The following TGFBR3 variants were observed in gnomAD, a reference collection of about 807,000 sequenced individuals.
The protein encoded by TGFBR3 is transforming growth factor beta receptor type 3.
In TGFBR3, 46 loss-of-function variants were observed where a neutral mutation model predicts 87.9. That is an observed-to-expected ratio of 0.52 (90% confidence interval 0.41 to 0.67). TGFBR3 has a LOEUF of 0.67. Among genes scored for constraint, TGFBR3 ranks in the 30% least tolerant of loss-of-function variants. The pLI, the probability that TGFBR3 is intolerant of heterozygous loss-of-function variation, is 0.00. For missense variants in TGFBR3, 866 were observed against 1,041.9 expected, an observed-to-expected ratio of 0.83 and a Z score of 2.32; for synonymous variants, 381 against 391.6, an observed-to-expected ratio of 0.97 and a Z score of 0.32.
In TGFBR3 at chr1:91,682,404, CTTTTT is replaced by C. The variant is rs59188054; in HGVS notation, c.*1330_*1334del. ...AGCATGATAATTCCCCCCTGGCATT[CTTTTT>C]TTTTTTTTTTTTTTTTAACAAGGAG... is the stretch of plus-strand genomic sequence containing the variant. On this transcript the variant is annotated 3_prime_UTR_variant, in exon 17 of 17. Transcript: ENST00000212355. 1.2e-4 allele frequency: 42 copies of C among 347,284 alleles called. No individual in the cohort carries two copies. Among genetic ancestry groups the C allele is most frequent in the East Asian group, 6.4e-4 (8 of 12,518 alleles). The allele number at this position is 347,284 out of a possible 1,614,324, so 21.5% of individuals were successfully genotyped here.
intron 1 of TGFBR3, among the ~76,000 whole-genome samples, chr1:91,873,281 T>TC (rs1491241379): frequency 8.7e-6 from 1 of 115,030 alleles, no homozygotes; most frequent in Non-Finnish European, 1.8e-5. Flanking sequence ...AATTTTCCCT[T>TC]CTTTTTTTTT....
upstream of TGFBR3, among the ~76,000 whole-genome samples, chr1:91,888,602 T>C (rs1679383308): frequency 6.6e-6 from 1 of 152,122 alleles, no homozygotes; most frequent in African/African-American, 2.4e-5. Flanking sequence ...CTTGGGAGGC[T>C]GAGGCAAGAG....
At chr1:91,871,209 T>C (rs1194849028) in intron 1 of TGFBR3, among the ~76,000 whole-genome samples, 4 of 152,202 alleles carry the variant, frequency 2.6e-5, no homozygotes, top group Non-Finnish European at 5.9e-5. Context: ...GGACTGTGCC[T>C]ATTACTAAGC....
In TGFBR3 at chr1:91,733,470, G is replaced by A. The variant is rs994785436; in HGVS notation, c.568+1306C>T. Among the ~76,000 whole-genome samples the A allele has an allele frequency of 6.6e-5, 10 of 152,302 alleles. No homozygotes were observed. In the South Asian group the frequency reaches 1.7e-3, roughly 25 times the overall value. On this transcript the variant is annotated intron_variant, in intron 5 of 16. Coordinates refer to ENST00000212355, the MANE Select transcript of TGFBR3 (RefSeq NM_003243.5). ...ACGTAGCATCCTCTCCGACGTCCAC[G>A]TCCACCTTTCCTGCCTCTGTCTCTC...
intron 2 of TGFBR3, among the ~76,000 whole-genome samples, chr1:91,815,355 T>G (rs1477591223): frequency 5.9e-5 from 8 of 136,014 alleles, no homozygotes; most frequent in African/African-American, 2.2e-4. Context: ...GATAGTCCTG[T>G]CCTAGCTAAT....
At chr1:91,874,077 C>G (rs1319280864) in intron 1 of TGFBR3, among the ~76,000 whole-genome samples, 1 of 152,120 alleles carries the variant, frequency 6.6e-6, no homozygotes, top group Non-Finnish European at 1.5e-5. Context: ...AAAATCCCTG[C>G]CCTGATGGAG....
chr1:91,852,504 G>C (rs1677776842), intron 2 of TGFBR3, among the ~76,000 whole-genome samples: 1 of 152,214 alleles, frequency 6.6e-6, no homozygotes, highest in Non-Finnish European at 1.5e-5. Context: ...CATCACACTT[G>C]GCTGTGCACA....
chr1:91,728,313 C>T (rs1372330080), intron 6 of TGFBR3, among the ~76,000 whole-genome samples: 1 of 151,994 alleles, frequency 6.6e-6, no homozygotes, highest in East Asian at 1.9e-4. Context: ...AGACAAAAGG[C>T]TAAAGAATTT....
intron 14 of TGFBR3, among the ~76,000 whole-genome samples, chr1:91,705,539 T>A (rs1280592306): frequency 6.8e-6 from 1 of 146,056 alleles, no homozygotes; most frequent in East Asian, 1.9e-4. Flanking sequence ...CACAGTCTCT[T>A]TTCAAATGAC....
At chr1:91,768,457 G>GT (rs1674259915) in intron 3 of TGFBR3, among the ~76,000 whole-genome samples, 1 of 152,168 alleles carries the variant, frequency 6.6e-6, no homozygotes, top group Admixed American at 6.5e-5. Context: ...AAATTGATAG[G>GT]TTTTGGATCT....
chr1:91,719,729 G>A (rs1672294602), intron 9 of TGFBR3, among the ~76,000 whole-genome samples, 164 bp downstream of exon 9: 1 of 152,116 alleles, frequency 6.6e-6, no homozygotes, highest in African/African-American at 2.4e-5. Context: ...CAGGAACCAG[G>A]TGAGAATCAC....
At chr1:91,729,030 G>GCA (rs1672650483) in intron 6 of TGFBR3, among the ~76,000 whole-genome samples, 1 of 102,572 alleles carries the variant, frequency 9.7e-6, no homozygotes. Flanking sequence ...GGCCACTCCA[G>GCA]CATACACACA....
In TGFBR3 at chr1:91,838,557, C is replaced by A. The variant is rs1677147505; in HGVS notation, c.61+22914G>T. On this transcript the variant is annotated intron_variant, in intron 2 of 16. Transcript: ENST00000212355. ...CACTGCAAGCTCTGCCTCCCGGGTT[C>A]ACACCATTCTCCTGCCTCAGCCTCC... 1.3e-5 allele frequency among the ~76,000 whole-genome samples: 2 copies of A among 150,198 alleles called. 1 individual carries two copies. The highest frequency in any genetic ancestry group is 4.2e-4 in the South Asian group (2 of 4,792).
chr1:91,845,800 A>G (rs17880947), intron 2 of TGFBR3, among the ~76,000 whole-genome samples: 9 of 152,298 alleles, frequency 5.9e-5, no homozygotes, highest in South Asian at 4.1e-4. Flanking sequence ...AACAGAGGAC[A>G]TGAGGAACCT....
Position 91,683,705 on chromosome 1 carries a change from T to TGGGCTGGGTTGGGCC in TGFBR3, c.*19_*33dup. The TGGGCTGGGTTGGGCC allele has an allele frequency of 7.0e-7, 1 of 1,437,824 alleles. No homozygotes were observed. The highest frequency in any genetic ancestry group is 9.3e-7 in the Non-Finnish European group (1 of 1,080,728). 89.1% of individuals were successfully genotyped at this position (1,437,824 alleles called of 1,614,324 possible). A position where few individuals can be genotyped will look rare whatever the true frequency, so the allele number is the denominator to read the frequency against. ...TGGCAGTAGCTGAGCTGAGCTGGGCTGGGCTGGGTTGGGCCGGGTTGGGCT... is the reference window on the plus strand; with the variant it reads ...TGGCAGTAGCTGAGCTGAGCTGGGCTGGGCTGGGTTGGGCCGGGCTGGGTTGGGCCGGGTTGGGCT... On this transcript the variant is annotated 3_prime_UTR_variant, in exon 17 of 17. Coordinates refer to ENST00000212355, the MANE Select transcript of TGFBR3 (RefSeq NM_003243.5).
chr1:91,738,187 A>G (rs953300182), intron 4 of TGFBR3, among the ~76,000 whole-genome samples: 8 of 152,242 alleles, frequency 5.3e-5, no homozygotes, highest in African/African-American at 1.7e-4. Flanking sequence ...CTTAGCCTCT[A>G]TAATTGCATG....
intron 2 of TGFBR3, among the ~76,000 whole-genome samples, chr1:91,858,601 ACT>A (rs1447401558): frequency 2.6e-5 from 3 of 113,864 alleles, no homozygotes; most frequent in African/African-American, 1.0e-4. Flanking sequence ...GGCGAGTGAG[ACT>A]CTGTCTCAAA....
chr1:91,722,315 T>G (rs774939154), intron 7 of TGFBR3, among the ~76,000 whole-genome samples, 171 bp from the exon 8 acceptor site: 1 of 152,206 alleles, frequency 6.6e-6, no homozygotes. Context: ...AAACCTTTAA[T>G]AGCCGACTAA....
Position 91,721,993 on chromosome 1 carries a change from G to A in TGFBR3, c.1037C>T (p.Pro346Leu). The change falls in exon 8 of 17, where the codon CCT becomes CTT. Residue 346 changes from proline to leucine, a missense_variant. Transcript: ENST00000212355. ...CCGAAGATGAAATCTATTAGCCACAGGAGCCATTGTGTATGAAGTTATTGG... is the reference window on the plus strand; with the variant it reads ...CCGAAGATGAAATCTATTAGCCACAAGAGCCATTGTGTATGAAGTTATTGG... ...YSPITSYTMA[P>L]VANRFHLRLE... 1.2e-6 allele frequency: 2 copies of A among 1,613,398 alleles called. No homozygotes were observed. The highest frequency in any genetic ancestry group is 1.7e-6 in the Non-Finnish European group (2 of 1,179,714).
Sources: gnomAD v4.1 joint callset for allele counts (sites outside exome capture counted in the v4.1 genomes callset) on GRCh38, gnomAD v4.1.1 for gene constraint, MANE v1.5 for transcripts, NCBI Gene and HGNC (gene_info 2026-07-23, HGNC 2026-07-21) for gene names.